The following MCCC1 variants were observed in gnomAD, a reference collection of about 807,000 sequenced individuals.
MCCC1 encodes methylcrotonyl-CoA carboxylase subunit 1.
In MCCC1, 64 loss-of-function variants were observed where a neutral mutation model predicts 83.8. The observed-to-expected ratio is 0.76, with a 90% confidence interval of 0.62 to 0.94. The LOEUF (loss-of-function observed/expected upper bound fraction) is 0.94, where lower values mean the gene tolerates loss of function less well. Ranked by LOEUF, MCCC1 falls within the 40% of genes least tolerant of loss-of-function variation. The probability of loss-of-function intolerance (pLI) is 0.00; values close to 1 mark genes in which losing one functional copy is unlikely to be tolerated. For missense variants in MCCC1, 807 were observed against 904.7 expected (o/e 0.89, Z 1.39); for synonymous variants, 322 against 315.4 (o/e 1.02, Z -0.22).
intron 4 of MCCC1, among the ~76,000 whole-genome samples, chr3:183,076,502 T>C (rs1054976851): frequency 5.9e-5 from 9 of 152,230 alleles, no homozygotes; most frequent in African/African-American, 9.6e-5. Flanking sequence ...TGTGTGAACA[T>C]ATTTTTCATT....
intron 8 of MCCC1, among the ~76,000 whole-genome samples, chr3:183,053,603 G>A (rs573427672): frequency 6.6e-6 from 1 of 151,686 alleles, no homozygotes; most frequent in African/African-American, 2.4e-5. Context: ...TCAGGAGTTC[G>A]AGACCAGCCT....
chr3:183,104,165 G>C (rs982714752), upstream of MCCC1, among the ~76,000 whole-genome samples: 2 of 152,224 alleles, frequency 1.3e-5, no homozygotes, highest in Non-Finnish European at 2.9e-5. Context: ...AGCCAGCTCC[G>C]GCCTTGGCCA....
At chr3:183,090,451 G>T (rs961826406) in intron 3 of MCCC1, among the ~76,000 whole-genome samples, 2 of 152,020 alleles carry the variant, frequency 1.3e-5, no homozygotes, top group Non-Finnish European at 2.9e-5. Context: ...GCATTTATGG[G>T]GTACAATGTG....
upstream of MCCC1, among the ~76,000 whole-genome samples, chr3:183,103,851 G>A (rs1719361506): frequency 6.6e-6 from 1 of 152,212 alleles, no homozygotes; most frequent in South Asian, 2.1e-4. Flanking sequence ...AGCGGGGGGA[G>A]GCTCAGGCAT....
At position 183,071,125 on chromosome 3, in the gene MCCC1, G is replaced by T. The variant is rs892786406; in HGVS notation, c.640-5C>A. The T allele has an allele frequency of 6.2e-7, 1 of 1,614,134 alleles. No individual in the cohort carries two copies. The highest frequency in any genetic ancestry group is 8.5e-7 in the Non-Finnish European group (1 of 1,180,012). ...TGATCTAACAATCCTCATTCCCTAA[G>T]AGAGAAAAGATGATTATGACTACAA... On this transcript the variant is annotated splice_polypyrimidine_tract_variant and splice_region_variant and intron_variant, in intron 6 of 18. Transcript: ENST00000265594.
upstream of MCCC1, among the ~76,000 whole-genome samples, chr3:183,102,438 T>C (rs1364095963): frequency 6.6e-6 from 1 of 152,088 alleles, no homozygotes; most frequent in East Asian, 1.9e-4. Context: ...ATAAGCAAGG[T>C]TTATTCCAGA....
At chr3:183,040,101 A>G (rs1713952881) in intron 11 of MCCC1, among the ~76,000 whole-genome samples, 1 of 117,568 alleles carries the variant, frequency 8.5e-6, no homozygotes, top group African/African-American at 5.4e-5. Context: ...CATCTCAGAA[A>G]AAAAAAAAAA....
upstream of MCCC1, among the ~76,000 whole-genome samples, chr3:183,103,007 T>C (rs113946468): frequency 1.1e-4 from 16 of 152,076 alleles, no homozygotes; most frequent in Admixed American, 2.6e-4. Flanking sequence ...GGTGGGTTCT[T>C]GGTCTCACTG....
rs774954839 is a variant in MCCC1, at chr3:183,099,359, G to A, written c.82C>T (p.Pro28Ser). ...RWHRLPSLLL[P>S]PRTWVWRQRT... is the part of the protein sequence containing the mutation. ...CATGGCCCCTCCACCCACCTCGGCGGCAGGAGCAGGCTCGGGAGACGATGC... is the reference window on the plus strand; with the variant it reads ...CATGGCCCCTCCACCCACCTCGGCGACAGGAGCAGGCTCGGGAGACGATGC... The change falls in exon 1 of 19, where the codon CCG becomes TCG. Residue 28 changes from proline to serine, a missense_variant. Transcript: ENST00000265594. 1.9e-5 allele frequency: 30 copies of A among 1,599,538 alleles called. No homozygotes were observed. The highest frequency in any genetic ancestry group is 2.6e-5 in the Non-Finnish European group (30 of 1,175,310).
chr3:183,105,890 C>A (rs887825578), intron 1 of MCCC1, among the ~76,000 whole-genome samples: 16 of 151,942 alleles, frequency 1.1e-4, no homozygotes, highest in Non-Finnish European at 2.4e-4. Flanking sequence ...GAGTTCAAGA[C>A]CAGCCTGGCC....
intron 9 of MCCC1, among the ~76,000 whole-genome samples, chr3:183,046,434 G>GGCACATA (rs1167401091): frequency 1.2e-3 from 177 of 149,546 alleles, no homozygotes; most frequent in African/African-American, 4.1e-3. Context: ...ATCTCACTCT[G>GGCACATA]TCATCCAGGC....
chr3:183,034,152 C>T (rs1212616341), intron 13 of MCCC1, 75 bp from the exon 14 acceptor site: 2 of 1,100,486 alleles, frequency 1.8e-6, no homozygotes, highest in Admixed American at 1.7e-5. Flanking sequence ...CAAAAGAAAA[C>T]ATAAAATGCA....
intron 2 of MCCC1, among the ~76,000 whole-genome samples, chr3:183,093,754 T>C (rs549243878): frequency 3.3e-5 from 5 of 152,262 alleles, no homozygotes; most frequent in African/African-American, 1.2e-4. Flanking sequence ...GGATGACATA[T>C]GTATGAGTGT....
intron 8 of MCCC1, among the ~76,000 whole-genome samples, chr3:183,052,663 AGC>A (rs34971116): frequency 0.17 from 25,652 of 151,926 alleles, 2,438 homozygotes; most frequent in East Asian, 0.39. Context: ...AAAGAAAATT[AGC>A]CAGGCATGGT....
chr3:183,112,185 C>T lies in MCCC1; in HGVS notation c.-102+3289G>A, dbSNP rs534590697. The stretch of plus-strand genomic sequence containing the variant: ...TCATTTTAAATTAAGCTCTATGACT[C>T]TGTTAATCCTACAAATTTCTTGTTG... On this transcript the variant is annotated intron_variant, in intron 1 of 17. Coordinates refer to the MCCC1 transcript ENST00000492597. Among the ~76,000 whole-genome samples the T allele has an allele frequency of 1.7e-3, 262 of 152,276 alleles. 3 individuals are homozygous for T. Among genetic ancestry groups the T allele is most frequent in the Non-Finnish European group, 2.7e-3 (187 of 68,034 alleles).
At chr3:183,029,504 C>T (rs1424295992) in intron 14 of MCCC1, among the ~76,000 whole-genome samples, 1 of 152,200 alleles carries the variant, frequency 6.6e-6, no homozygotes, top group Non-Finnish European at 1.5e-5. Flanking sequence ...TTTCCACATG[C>T]AACATCCATG....
At chr3:183,036,278 G>C (rs903766191) in intron 13 of MCCC1, among the ~76,000 whole-genome samples, 2 of 152,060 alleles carry the variant, frequency 1.3e-5, no homozygotes, top group Non-Finnish European at 2.9e-5. Context: ...TGGATTCTAT[G>C]ACACTATGAA....
At chr3:183,023,970 G>T (rs1051437415) in intron 15 of MCCC1, among the ~76,000 whole-genome samples, 11 of 152,178 alleles carry the variant, frequency 7.2e-5, no homozygotes, top group Admixed American at 3.3e-4. Flanking sequence ...GACTAAGAAG[G>T]CCAGGCGTGG....
chr3:183,089,767 G>A (rs1718180254), intron 3 of MCCC1, among the ~76,000 whole-genome samples: 1 of 152,184 alleles, frequency 6.6e-6, no homozygotes, highest in Non-Finnish European at 1.5e-5. Flanking sequence ...AGAGAAAAAT[G>A]CTCAAAGACT....
Sources: allele counts gnomAD v4.1 joint callset (sites outside exome capture counted in the v4.1 genomes callset), GRCh38; gene constraint gnomAD v4.1.1; transcripts MANE v1.5; gene names NCBI Gene and HGNC (gene_info 2026-07-23, HGNC 2026-07-21).